Variants in ANO3 observed in about 807,000 individuals in gnomAD.
The protein encoded by ANO3 is anoctamin-3.
Under a neutral mutation model 144.8 loss-of-function variants are expected in ANO3, and 99 were observed. The observed-to-expected ratio is 0.68, with a 90% CI of 0.58 to 0.81. The LOEUF is 0.81. Among genes scored for constraint, ANO3 ranks in the 30% least tolerant of loss-of-function variants. The probability of loss-of-function intolerance (pLI) is 0.00; values close to 1 mark genes in which losing one functional copy is unlikely to be tolerated. For synonymous variants in ANO3, 414 were observed against 392.6 expected, an observed-to-expected ratio of 1.05 and a Z score of -0.64; for missense variants, 905 against 1,202.2, an observed-to-expected ratio of 0.75 and a Z score of 3.66.
intron 1 of ANO3, among the ~76,000 whole-genome samples, chr11:26,278,242 C>T (rs750062217): frequency 3.9e-5 from 6 of 152,130 alleles, no homozygotes; most frequent in Non-Finnish European, 5.9e-5. Context: ...GGATGAACAA[C>T]ATGAAGACCC....
At chr11:26,273,546 G>C (rs1356586911) in intron 1 of ANO3, among the ~76,000 whole-genome samples, 1 of 151,566 alleles carries the variant, frequency 6.6e-6, no homozygotes. Flanking sequence ...TTCTGCTAAA[G>C]AAAACTGAGC....
chr11:26,381,406 G>A (rs1395329756), intron 1 of ANO3, among the ~76,000 whole-genome samples: 2 of 152,022 alleles, frequency 1.3e-5, no homozygotes, highest in Admixed American at 1.3e-4. Context: ...TCATCAGTTA[G>A]GCCTCAGTTC....
At chr11:26,429,587 T>A (rs1361147223) in intron 1 of ANO3, among the ~76,000 whole-genome samples, 1 of 152,070 alleles carries the variant, frequency 6.6e-6, no homozygotes, top group East Asian at 1.9e-4. Flanking sequence ...GGATTTAACC[T>A]ACCTGTTAAA....
chr11:26,426,377 TAAA>T (rs1857921114), intron 1 of ANO3, among the ~76,000 whole-genome samples: 1 of 152,150 alleles, frequency 6.6e-6, no homozygotes, highest in Non-Finnish European at 1.5e-5. Context: ...TGTGAAAAGA[TAAA>T]ACTTTAGGGA....
intron 20 of ANO3, among the ~76,000 whole-genome samples, chr11:26,635,887 T>C (rs904871357): frequency 3.3e-5 from 5 of 152,284 alleles, no homozygotes; most frequent in Admixed American, 2.6e-4. Context: ...GTTTCCTCTT[T>C]TGTAAATTGG....
At chr11:26,584,675 T>TA (rs536018250) in intron 14 of ANO3, among the ~76,000 whole-genome samples, 7 of 152,322 alleles carry the variant, frequency 4.6e-5, no homozygotes, top group South Asian at 4.1e-4. Flanking sequence ...TAATAAGTGA[T>TA]AAAAAAGTGC....
chr11:26,620,160 G>A (rs1313821627), intron 17 of ANO3, among the ~76,000 whole-genome samples: 1 of 152,058 alleles, frequency 6.6e-6, no homozygotes, highest in Non-Finnish European at 1.5e-5. Context: ...GCCAAAAGTG[G>A]CATGGTACTA....
At chr11:26,598,506 T>C in intron 15 of ANO3, 59 bp downstream of exon 15, 1 of 1,209,426 alleles carries the variant, frequency 8.3e-7, no homozygotes, top group African/African-American at 1.6e-5. Context: ...TATGGAAAAT[T>C]ACTGCCCTAG....
chr11:26,388,453 C>G (rs1450430314), intron 1 of ANO3, among the ~76,000 whole-genome samples: 2 of 152,092 alleles, frequency 1.3e-5, no homozygotes, highest in Non-Finnish European at 2.9e-5. Flanking sequence ...TGAATTAATA[C>G]AACTTTATTA....
chr11:26,465,721 GA>G (rs1268253021), intron 4 of ANO3, among the ~76,000 whole-genome samples: 1 of 151,824 alleles, frequency 6.6e-6, no homozygotes, highest in Non-Finnish European at 1.5e-5. Flanking sequence ...AAGAAATACA[GA>G]AAAACATCTG....
At chr11:26,608,794 T>A (rs1232888365) in intron 17 of ANO3, among the ~76,000 whole-genome samples, 2 of 152,152 alleles carry the variant, frequency 1.3e-5, no homozygotes, top group Non-Finnish European at 2.9e-5. Flanking sequence ...CCAGCCTCCC[T>A]GGCTCCAGCA....
chr11:26,463,031 C>T lies in ANO3; in HGVS notation c.315C>T (p.Ala105=). 2 of 1,495,572 alleles carry T rather than the reference C, an allele frequency of 1.3e-6. No homozygotes were observed. The highest frequency in any genetic ancestry group is 1.3e-5 in the South Asian group (1 of 75,772). 92.6% of individuals were successfully genotyped at this position (1,495,572 alleles called of 1,614,324 possible). Residue 105 remains alanine, a splice_region_variant and synonymous_variant, in exon 4 of 27, where the codon GCC becomes GCT. Coordinates refer to ENST00000256737, the MANE Select transcript of ANO3 (RefSeq NM_031418.4). ...TAACTTTCTCTTTCTCTTTTATAGC[C>T]CTAGGAAAAGATAAGGATTACACGG... ...SFADLSDFCL[A]LGKDKDYTDE... is the part of the protein sequence containing the mutation.
At chr11:26,444,764 AACT>A (rs1386144230) in intron 3 of ANO3, among the ~76,000 whole-genome samples, 3 of 152,190 alleles carry the variant, frequency 2.0e-5, no homozygotes, top group Non-Finnish European at 4.4e-5. Context: ...TAACTTTTAA[AACT>A]ATGAATTTTG....
intron 3 of ANO3, among the ~76,000 whole-genome samples, chr11:26,454,758 G>C (rs1859085270): frequency 6.8e-6 from 1 of 148,104 alleles, no homozygotes; most frequent in South Asian, 2.3e-4. Flanking sequence ...AAGCCAGGCA[G>C]AGACACAACA....
chr11:26,615,404 ATATATATATATTTTTT>A (rs1852224400), intron 17 of ANO3, among the ~76,000 whole-genome samples: 1 of 96,418 alleles, frequency 1.0e-5, no homozygotes, highest in South Asian at 4.2e-4. Context: ...TTATATATAT[ATATATATATATTTTTT>A]TTTTTTCAGT....
chr11:26,512,835 C>T (rs1295193489), intron 5 of ANO3, among the ~76,000 whole-genome samples: 1 of 152,190 alleles, frequency 6.6e-6, no homozygotes, highest in Non-Finnish European at 1.5e-5. Flanking sequence ...ACAGCACCCT[C>T]TTCCAGAATA....
chr11:26,244,900 T>C (rs1374807563), intron 1 of ANO3, among the ~76,000 whole-genome samples: 1 of 151,908 alleles, frequency 6.6e-6, no homozygotes, highest in African/African-American at 2.4e-5. Context: ...CCAGGCACAC[T>C]CAAGGATCAC....
At chr11:26,424,832 A>C (rs1477747874) in intron 1 of ANO3, among the ~76,000 whole-genome samples, 10 of 152,066 alleles carry the variant, frequency 6.6e-5, no homozygotes. Context: ...ATGGTGTTTT[A>C]GTAGTATTTC....
At position 26,365,983 on chromosome 11, in the gene ANO3, TATATATATATATA is replaced by T. The variant is rs1564984935; in HGVS notation, c.46+33663_46+33675del. On this transcript the variant is annotated intron_variant, in intron 1 of 26. Transcript: ENST00000256737. ...ATATATATATATATATATATATATA[TATATATATATATA>T]TATATATTTTAATTATACTTTAAGT... Among the ~76,000 whole-genome samples, 18 of 2,078 alleles carry T rather than the reference TATATATATATATA, an allele frequency of 8.7e-3. 2 individuals carry two copies. The Middle Eastern group carries it at 0.5, about 58-fold the overall frequency. 1.4% of individuals were successfully genotyped at this position (2,078 alleles called of 152,430 possible). A position where few individuals can be genotyped will look rare whatever the true frequency, so the allele number is the denominator to read the frequency against.
Sources: allele counts gnomAD v4.1 joint callset (sites outside exome capture counted in the v4.1 genomes callset), GRCh38; gene constraint gnomAD v4.1.1; transcripts MANE v1.5; gene names NCBI Gene and HGNC (gene_info 2026-07-23, HGNC 2026-07-21).